SNED1: variants seen among roughly 807,000 people sequenced by gnomAD.
The protein encoded by SNED1 is sushi, nidogen and EGF-like domain-containing protein 1.
Under a neutral mutation model 166.7 loss-of-function variants are expected in SNED1, and 81 were observed. The ratio of observed to expected loss-of-function variants is 0.49; its 90% CI spans 0.41 to 0.58. SNED1 has a LOEUF of 0.58. SNED1 is among the 20% of genes least tolerant of loss of function. The pLI is 0.00. For synonymous variants in SNED1, 762 were observed against 822.0 expected, an observed-to-expected ratio of 0.93 and a Z score of 1.25; for missense variants, 1,604 against 2,000.2, an observed-to-expected ratio of 0.80 and a Z score of 3.78.
intron 8 of SNED1, chr2:241,040,961 T>C: frequency 4.9e-6 from 2 of 405,284 alleles, no homozygotes; most frequent in South Asian, 3.9e-5. Flanking sequence ...TCGTGTCTGA[T>C]TGTTGCACCT....
At chr2:241,003,435 G>A (rs1485394695) in intron 1 of SNED1, among the ~76,000 whole-genome samples, 1 of 152,226 alleles carries the variant, frequency 6.6e-6, no homozygotes, top group Non-Finnish European at 1.5e-5. Flanking sequence ...GTCCTCCTGT[G>A]CCACATCCAC....
At chr2:241,020,481 C>T (rs756701910) in intron 1 of SNED1, among the ~76,000 whole-genome samples, 36 of 152,224 alleles carry the variant, frequency 2.4e-4, no homozygotes, top group Admixed American at 3.9e-4. Flanking sequence ...GGCACTGGAC[C>T]GGAAGGTGAG....
rs1283836272 is a variant in SNED1, at chr2:241,018,604, A to T, written c.214-11680A>T. 6.6e-6 allele frequency among the ~76,000 whole-genome samples: 1 copy of T among 152,018 alleles called. No homozygotes were observed. Among genetic ancestry groups the T allele is most frequent in the African/African-American group, 2.4e-5 (1 of 41,392 alleles). On this transcript the variant is annotated intron_variant, in intron 1 of 31. Transcript: ENST00000310397. The surrounding 1 kb of genome is among the most constrained non-coding windows in gnomAD (Gnocchi z 5.4). ...CTCACCTTTCCCCAGTTTGTCCCCA[A>T]CTCACACCCAGACCTGTCACAGGGC...
chr2:241,054,892 G>A (rs2061996599), intron 16 of SNED1, among the ~76,000 whole-genome samples: 1 of 152,132 alleles, frequency 6.6e-6, no homozygotes, highest in African/African-American at 2.4e-5. Flanking sequence ...CGAGGCAGGT[G>A]GATCACCTGA....
rs573151703 is a variant in SNED1, at chr2:241,071,838, G to A, written c.3777G>A (p.Arg1259=). ...ACGGCAGAGGAAGAGTGAGCGCCAGGTTCGGTGGCTCACCCAGCAAAGCAG... is the reference window on the plus strand; with the variant it reads ...ACGGCAGAGGAAGAGTGAGCGCCAGATTCGGTGGCTCACCCAGCAAAGCAG... ...LVDGRGRVSA[R]FGGSPSKAAT... Residue 1259 remains arginine, a synonymous_variant, in exon 26 of 32, where the codon AGG becomes AGA. Coordinates refer to ENST00000310397, the MANE Select transcript of SNED1 (RefSeq NM_001080437.3). 13 of 1,605,504 alleles carry A rather than the reference G, an allele frequency of 8.1e-6. No individual in the cohort carries two copies. The East Asian group carries it at 2.2e-4, about 28-fold the overall frequency.
chr2:241,023,577 G>A (rs556429990), intron 1 of SNED1, among the ~76,000 whole-genome samples: 1 of 152,072 alleles, frequency 6.6e-6, no homozygotes, highest in African/African-American at 2.4e-5. Context: ...ATCTTTGTCT[G>A]TGCCTGGTCT....
chr2:241,088,195 A>C lies in SNED1; in HGVS notation c.4206-170A>C, dbSNP rs1363228616. 8.2e-6 allele frequency: 5 copies of C among 606,814 alleles called. No homozygotes were observed. In the East Asian group the frequency reaches 1.4e-4, roughly 18 times the overall value. 37.6% of individuals were successfully genotyped at this position (606,814 alleles called of 1,614,324 possible). ...TGCCTCAAGCCAGGCGGGCGCACACAAACTAAAATGCTAATCTCCACAGCG... is the reference window on the plus strand; with the variant it reads ...TGCCTCAAGCCAGGCGGGCGCACACCAACTAAAATGCTAATCTCCACAGCG... On this transcript the variant is annotated intron_variant, in intron 30 of 31. Transcript: ENST00000310397.
Position 241,073,147 on chromosome 2 carries a change from TG to T in SNED1, c.3818-117del. 1.4e-6 allele frequency: 1 copy of T among 713,980 alleles called. No individual in the cohort carries two copies. The highest frequency in any genetic ancestry group is 2.3e-6 in the Non-Finnish European group (1 of 428,108). 44.2% of individuals were successfully genotyped at this position (713,980 alleles called of 1,614,324 possible). A position where few individuals can be genotyped will look rare whatever the true frequency, so the allele number is the denominator to read the frequency against. ...AGGTGCTGGGGCCACGCAGGGAGCC[TG>T]GTCCCCACCAGGGACATCCGTGCTC... On this transcript the variant is annotated intron_variant, in intron 26 of 31. Transcript: ENST00000310397. This position sits in a 1 kb window ranked among gnomAD's most constrained non-coding sequence, Gnocchi z 6.6.
rs2062540207 is a variant in SNED1, at chr2:241,068,076, G to A, written c.3194+129G>A. 4.5e-6 allele frequency: 4 copies of A among 883,248 alleles called. No individual in the cohort carries two copies. The South Asian group carries it at 7.2e-5, about 16-fold the overall frequency. The allele number at this position is 883,248 out of a possible 1,614,324, so 54.7% of individuals were successfully genotyped here. A position where few individuals can be genotyped will look rare whatever the true frequency, so the allele number is the denominator to read the frequency against. On this transcript the variant is annotated intron_variant, in intron 22 of 31. Transcript: ENST00000310397. The surrounding 1 kb of genome is among the most constrained non-coding windows in gnomAD (Gnocchi z 5.3). ...CCACCTGCCGCTCCTCACCTGAGCG[G>A]AGACAAAGGTCTCAGGTGAGCCAGC...
At chr2:241,057,474 G>A (rs971682679) in intron 16 of SNED1, among the ~76,000 whole-genome samples, 1 of 148,772 alleles carries the variant, frequency 6.7e-6, no homozygotes, top group African/African-American at 2.5e-5. Flanking sequence ...TTTGAGCCCA[G>A]CAGTTCAAGA....
Position 241,065,421 on chromosome 2 carries a change from G to T in SNED1, c.2836G>T (p.Val946Phe). 6.2e-7 allele frequency: 1 copy of T among 1,613,064 alleles called. No homozygotes were observed. The part of the protein sequence containing the change: ...QMLDGYAVTY[V>F]SSDGSYRRTD... ...GCTTGATGGCTACGCGGTCACCTAC[G>T]TCTCCTCCGACGGCTCCTACCGCCG... Residue 946 changes from valine to phenylalanine, a missense_variant, in exon 21 of 32, where the codon GTC (valine) becomes TTC (phenylalanine). Val to Phe is a conservative substitution (Grantham distance 50). Around this residue, in one of 2 missense-constraint regions of SNED1, gnomAD observed 1,237 missense variants for 1,620.8 expected, o/e 0.76. Transcript: ENST00000310397.
rs777469887 is a variant in SNED1 at position 241,082,312 on chromosome 2, T to C, written c.4069T>C (p.Phe1357Leu). 12 of 1,613,428 alleles carry C rather than the reference T, an allele frequency of 7.4e-6. No individual in the cohort carries two copies. Among genetic ancestry groups the C allele is most frequent in the Non-Finnish European group, 1.0e-5 (12 of 1,179,538 alleles). The change falls in exon 29 of 32, where the codon TTC becomes CTC. Residue 1357 changes from phenylalanine to leucine, a missense_variant. Phe to Leu is a conservative substitution (Grantham distance 22). Around this residue, in one of 2 missense-constraint regions of SNED1, gnomAD observed 367 missense variants for 379.4 expected, o/e 0.97. Coordinates refer to ENST00000310397, the MANE Select transcript of SNED1 (RefSeq NM_001080437.3). ...GGTGTCCCGCCCCTGCACAAGGCTG[T>C]TCTCCGAGACAAAGGCCTTTCCAGT... ...IKVSRPCTRL[F>L]SETKAFPVWE... is the part of the protein sequence containing the mutation.
At chr2:241,025,315 G>C (rs2060924010) in intron 1 of SNED1, among the ~76,000 whole-genome samples, 1 of 152,144 alleles carries the variant, frequency 6.6e-6, no homozygotes, top group African/African-American at 2.4e-5. Context: ...CCCAGTCCAT[G>C]GAAAAATTGT....
At chr2:241,088,254 T>C in intron 30 of SNED1, 111 bp from the exon 31 acceptor site, 1 of 785,246 alleles carries the variant, frequency 1.3e-6, no homozygotes, top group Non-Finnish European at 2.3e-6. Context: ...CACCGTGGAA[T>C]GTATGTGAGC....
At chr2:241,037,197 C>A in intron 5 of SNED1, 43 bp from the exon 6 acceptor site, 1 of 1,478,046 alleles carries the variant, frequency 6.8e-7, no homozygotes, top group Non-Finnish European at 9.3e-7. Flanking sequence ...AACTCCTCAT[C>A]CGGGTTCCCG....
At chr2:241,062,547 G>A (rs991938275) in intron 16 of SNED1, among the ~76,000 whole-genome samples, 6 of 152,110 alleles carry the variant, frequency 3.9e-5, no homozygotes, top group South Asian at 2.1e-4. Context: ...GTCCCACAGC[G>A]TCTTCTGGGA....
At chr2:241,031,771 C>T (rs762277351) in intron 2 of SNED1, among the ~76,000 whole-genome samples, 5 of 152,242 alleles carry the variant, frequency 3.3e-5, no homozygotes, top group Non-Finnish European at 7.3e-5. Flanking sequence ...TTAGCACTTA[C>T]GTTCGCCTTC....
At chr2:241,040,650 C>CTTT (rs2061498077) in intron 8 of SNED1, among the ~76,000 whole-genome samples, 3 of 152,178 alleles carry the variant, frequency 2.0e-5, no homozygotes, top group Non-Finnish European at 4.4e-5. Flanking sequence ...CTCCAGGGTG[C>CTTT]TGTGTGAGGC....
chr2:241,089,093 T>C (rs1215120413), intron 31 of SNED1: 2 of 484,488 alleles, frequency 4.1e-6, no homozygotes, highest in African/African-American at 2.0e-5. Flanking sequence ...AACTGCCGAA[T>C]CTTAAACAAC....
Sources: allele counts gnomAD v4.1 joint callset (sites outside exome capture counted in the v4.1 genomes callset), GRCh38; gene constraint gnomAD v4.1.1; regional missense constraint gnomAD v4.1.1; non-coding constraint Gnocchi (gnomAD v3.1); transcripts MANE v1.5; gene names NCBI Gene and HGNC (gene_info 2026-07-23, HGNC 2026-07-21).